Variants in ZNF407 observed in about 807,000 individuals in gnomAD.
The protein encoded by ZNF407 is zinc finger protein 407.
Under a neutral mutation model 131.2 loss-of-function variants are expected in ZNF407, and 17 were observed. The observed-to-expected ratio is 0.13, with a 90% CI of 0.09 to 0.19. The LOEUF (loss-of-function observed/expected upper bound fraction) is 0.19. ZNF407 is among the 10% of genes least tolerant of loss of function. The probability of loss-of-function intolerance (pLI) is 1.00; values close to 1 mark genes in which losing one functional copy is unlikely to be tolerated. For missense variants in ZNF407, 2,681 were observed against 2,830.6 expected, an observed-to-expected ratio of 0.95 and a Z score of 1.20; for synonymous variants, 1,156 against 1,062.0, an observed-to-expected ratio of 1.09 and a Z score of -1.72.
intron 3 of ZNF407, among the ~76,000 whole-genome samples, chr18:74,766,312 G>A (rs1969231135): frequency 6.6e-6 from 1 of 152,184 alleles, no homozygotes; most frequent in Non-Finnish European, 1.5e-5. Context: ...GTGGTGGTAT[G>A]GGATTCCACA....
chr18:75,015,566 A>C (rs1973033635), intron 8 of ZNF407, among the ~76,000 whole-genome samples: 1 of 140,590 alleles, frequency 7.1e-6, no homozygotes, highest in Admixed American at 7.5e-5. Flanking sequence ...TATAAACATT[A>C]TATATATATA....
chr18:74,969,834 G>A (rs77285900), intron 8 of ZNF407, among the ~76,000 whole-genome samples: 4,491 of 152,262 alleles, frequency 0.029, 250 homozygotes, highest in African/African-American at 0.1. Flanking sequence ...TAACTTGTTT[G>A]CATGAGAAAC....
chr18:74,894,942 T>C (rs1599226409), intron 7 of ZNF407, among the ~76,000 whole-genome samples: 1 of 152,116 alleles, frequency 6.6e-6, no homozygotes, highest in Admixed American at 6.5e-5. Context: ...TAACCTTACA[T>C]ACCCTTTTTA....
chr18:75,027,441 A>G (rs1973184648), intron 8 of ZNF407, among the ~76,000 whole-genome samples: 1 of 152,234 alleles, frequency 6.6e-6, no homozygotes, highest in Non-Finnish European at 1.5e-5. Flanking sequence ...TCAGGAAGAC[A>G]GAGATACAGG....
intron 3 of ZNF407, among the ~76,000 whole-genome samples, chr18:74,693,337 A>G (rs1967275493): frequency 6.6e-6 from 1 of 152,236 alleles, no homozygotes; most frequent in Non-Finnish European, 1.5e-5. Context: ...GAACATGCAT[A>G]CATGATAATA....
chr18:74,743,739 T>C (rs1434174185), intron 3 of ZNF407, among the ~76,000 whole-genome samples: 1 of 152,130 alleles, frequency 6.6e-6, no homozygotes, highest in Non-Finnish European at 1.5e-5. Context: ...TTTCTTTTCT[T>C]AGATATGTTG....
In ZNF407 at chr18:75,063,009, C is replaced by G; in HGVS notation, c.5429-141C>G. ...AGGCCTCTGGCCCTGCTGAAGCTTG[C>G]ACTGTAGAGAGCTCTTCAGGGTTTG... On this transcript the variant is annotated intron_variant, in intron 8 of 8. Coordinates refer to ENST00000299687, the MANE Select transcript of ZNF407 (RefSeq NM_017757.3). The surrounding 1 kb of genome is among the most constrained non-coding windows in gnomAD (Gnocchi z 6.6). The G allele has an allele frequency of 2.7e-6, 2 of 753,172 alleles. No individual in the cohort carries two copies. Among genetic ancestry groups the G allele is most frequent in the Non-Finnish European group, 4.3e-6 (2 of 468,984 alleles). The allele number at this position is 753,172 out of a possible 1,614,324, so 46.7% of individuals were successfully genotyped here. A position where few individuals can be genotyped will look rare whatever the true frequency, so the allele number is the denominator to read the frequency against.
At chr18:75,024,527 A>C (rs901722885) in intron 8 of ZNF407, among the ~76,000 whole-genome samples, 4 of 152,196 alleles carry the variant, frequency 2.6e-5, no homozygotes, top group Admixed American at 2.6e-4. Context: ...GTGCTATCCT[A>C]TTCCTATTTT....
At chr18:74,728,409 A>G (rs575585308) in intron 3 of ZNF407, among the ~76,000 whole-genome samples, 12 of 152,296 alleles carry the variant, frequency 7.9e-5, no homozygotes, top group Admixed American at 2.0e-4. Context: ...GCCCAGAATG[A>G]AGGATGTGTG....
chr18:74,861,203 A>C (rs1336334793), intron 4 of ZNF407, among the ~76,000 whole-genome samples: 1 of 152,214 alleles, frequency 6.6e-6, no homozygotes, highest in African/African-American at 2.4e-5. Context: ...GTCAGTCTTC[A>C]GGAATGGTGG....
intron 4 of ZNF407, among the ~76,000 whole-genome samples, chr18:74,787,996 A>G (rs139374661): frequency 2.6e-5 from 4 of 152,278 alleles, no homozygotes; most frequent in African/African-American, 9.6e-5. Context: ...TGTCTCTAAC[A>G]CTTCGTTAGC....
At chr18:74,849,026 G>C (rs962963690) in intron 4 of ZNF407, among the ~76,000 whole-genome samples, 1 of 143,360 alleles carries the variant, frequency 7.0e-6, no homozygotes, top group African/African-American at 2.6e-5. Context: ...GCCACTTCTT[G>C]TGGTGACTTT....
At chr18:74,900,239 A>G (rs749810207) in intron 7 of ZNF407, among the ~76,000 whole-genome samples, 4 of 152,060 alleles carry the variant, frequency 2.6e-5, no homozygotes, top group Non-Finnish European at 5.9e-5. Context: ...GTGCCTCACT[A>G]TTGTCCTGTG....
chr18:74,724,601 T>C (rs912193148), intron 3 of ZNF407, among the ~76,000 whole-genome samples: 2 of 152,182 alleles, frequency 1.3e-5, no homozygotes, highest in African/African-American at 4.8e-5. Flanking sequence ...GTGAAAAATA[T>C]ATATAGATTT....
At chr18:75,056,089 T>C (rs1973558773) in intron 8 of ZNF407, among the ~76,000 whole-genome samples, 2 of 152,246 alleles carry the variant, frequency 1.3e-5, no homozygotes, top group South Asian at 4.1e-4. Context: ...ATACAGCAGA[T>C]AGTTACCAAA....
intron 6 of ZNF407, among the ~76,000 whole-genome samples, chr18:74,884,373 T>C (rs1417196950): frequency 6.6e-6 from 1 of 152,196 alleles, no homozygotes; most frequent in African/African-American, 2.4e-5. Context: ...ATTAGAGTAA[T>C]AGTATTGAAC....
chr18:75,062,971 C>T, intron 8 of ZNF407, 179 bp from the exon 9 acceptor site: 1 of 565,098 alleles, frequency 1.8e-6, no homozygotes, highest in South Asian at 2.8e-5. Flanking sequence ...AGCCTGCCTG[C>T]AGATGCCCAC....
chr18:74,732,737 C>G (rs966095021), intron 3 of ZNF407, among the ~76,000 whole-genome samples: 1 of 152,150 alleles, frequency 6.6e-6, no homozygotes, highest in Non-Finnish European at 1.5e-5. Flanking sequence ...TCCTATTTCC[C>G]CCCAAAATCG....
intron 8 of ZNF407, among the ~76,000 whole-genome samples, chr18:75,002,208 G>C (rs1376214640): frequency 6.6e-6 from 1 of 152,218 alleles, no homozygotes. Context: ...ATTTTGTATA[G>C]TTTGACTGTT....
Sources: allele counts gnomAD v4.1 joint callset (sites outside exome capture counted in the v4.1 genomes callset), GRCh38; gene constraint gnomAD v4.1.1; non-coding constraint Gnocchi (gnomAD v3.1); transcripts MANE v1.5; gene names NCBI Gene and HGNC (gene_info 2026-07-23, HGNC 2026-07-21).